ZNF385B: variants seen among roughly 807,000 people sequenced by gnomAD.
The protein encoded by ZNF385B is zinc finger protein 533.
ZNF385B carries 23 observed loss-of-function variants against 39.2 expected under a neutral mutation model. That is an observed-to-expected ratio of 0.59 (90% CI 0.42 to 0.83). The LOEUF (loss-of-function observed/expected upper bound fraction) is 0.83, where lower values mean the gene tolerates loss of function less well. Ranked by LOEUF, ZNF385B falls within the 40% of genes least tolerant of loss-of-function variation. The probability of loss-of-function intolerance (pLI) is 0.00; values close to 1 mark genes in which losing one functional copy is unlikely to be tolerated. For missense variants in ZNF385B, 552 were observed against 598.9 expected (o/e 0.92, Z 0.82); for synonymous variants, 205 against 222.6 (o/e 0.92, Z 0.70).
intron 3 of ZNF385B, among the ~76,000 whole-genome samples, chr2:179,569,908 G>A (rs1685021760): frequency 6.6e-6 from 1 of 152,166 alleles, no homozygotes; most frequent in Non-Finnish European, 1.5e-5. Flanking sequence ...AATGAGTCAA[G>A]GAGGAGTTGA....
At chr2:179,533,714 A>G (rs1470089944) in intron 4 of ZNF385B, among the ~76,000 whole-genome samples, 1 of 152,192 alleles carries the variant, frequency 6.6e-6, no homozygotes, top group Non-Finnish European at 1.5e-5. Flanking sequence ...ATAATTTGAT[A>G]TATTGATTAT....
intron 3 of ZNF385B, among the ~76,000 whole-genome samples, chr2:179,652,860 AAT>A: frequency 6.6e-6 from 1 of 151,400 alleles, no homozygotes; most frequent in African/African-American, 2.4e-5. Context: ...AAAAAAAAAA[AAT>A]CATCAGAAGA....
chr2:179,853,035 T>C (rs1393007443), intron 1 of ZNF385B, among the ~76,000 whole-genome samples: 1 of 152,224 alleles, frequency 6.6e-6, no homozygotes, highest in African/African-American at 2.4e-5. Flanking sequence ...GAACCATACA[T>C]GCAGTAATGA....
At chr2:179,839,794 T>C (rs572008047) in intron 1 of ZNF385B, among the ~76,000 whole-genome samples, 36 of 152,256 alleles carry the variant, frequency 2.4e-4, no homozygotes, top group Non-Finnish European at 4.3e-4. Flanking sequence ...AGATGGTAGT[T>C]ACTCAAACCT....
chr2:179,832,347 G>A (rs1485678129), intron 1 of ZNF385B, among the ~76,000 whole-genome samples: 1 of 152,170 alleles, frequency 6.6e-6, no homozygotes, highest in Admixed American at 6.5e-5. Context: ...TAGAAGGAAA[G>A]CAATCAGATT....
rs6713455 is a variant in ZNF385B at position 179,628,601 on chromosome 2, T to C, written c.299-83632A>G. The stretch of plus-strand genomic sequence containing the variant: ...GTAATTTCTGCTGTCTTTCTTTTGC[T>C]AATTAGTAGGTTTTGTTCTTCTCAT... On this transcript the variant is annotated intron_variant, in intron 3 of 9. Coordinates refer to ENST00000410066, the MANE Select transcript of ZNF385B (RefSeq NM_152520.6). 2.7e-3 allele frequency among the ~76,000 whole-genome samples: 410 copies of C among 152,334 alleles called. 3 individuals are homozygous for C. Among genetic ancestry groups the C allele is most frequent in the South Asian group, 8.7e-3 (42 of 4,830 alleles).
chr2:179,692,932 T>G (rs1395797650), intron 3 of ZNF385B, among the ~76,000 whole-genome samples: 1 of 152,158 alleles, frequency 6.6e-6, no homozygotes, highest in East Asian at 1.9e-4. Context: ...AGGGGACCAC[T>G]GCAAACCTGG....
rs749760813 is a variant in ZNF385B, at chr2:179,807,929, A to AGAAAGAAAGAAAGAAAGAAAGAAG, written c.-154-37258_-154-37257insCTTCTTTCTTTCTTTCTTTCTTTC. 1.5e-3 allele frequency among the ~76,000 whole-genome samples: 179 copies of AGAAAGAAAGAAAGAAAGAAAGAAG among 116,498 alleles called. 1 individual carries two copies. The highest frequency in any genetic ancestry group is 4.6e-3 in the Admixed American group (56 of 12,084). The allele number at this position is 116,498 out of a possible 152,430, so 76.4% of individuals were successfully genotyped here. ...AAGAAAGAAAGAAAGAAAGAAAGAA[A>AGAAAGAAAGAAAGAAAGAAAGAAG]GAAGGAAGGAAGGAAGGAAGGAAAG... On this transcript the variant is annotated intron_variant, in intron 1 of 9. Transcript: ENST00000410066.
At chr2:179,825,626 G>A (rs1456955593) in intron 1 of ZNF385B, among the ~76,000 whole-genome samples, 1 of 152,100 alleles carries the variant, frequency 6.6e-6, no homozygotes, top group Non-Finnish European at 1.5e-5. Flanking sequence ...AGTTAGCTGT[G>A]CCTAGGCTTT....
chr2:179,611,636 T>G (rs1011660753), intron 3 of ZNF385B, among the ~76,000 whole-genome samples: 1 of 152,148 alleles, frequency 6.6e-6, no homozygotes, highest in Non-Finnish European at 1.5e-5. Flanking sequence ...TTTAAATGTT[T>G]AGTAAAATTC....
At chr2:179,675,461 A>G (rs1696620249) in intron 3 of ZNF385B, among the ~76,000 whole-genome samples, 1 of 152,226 alleles carries the variant, frequency 6.6e-6, no homozygotes, top group Non-Finnish European at 1.5e-5. Context: ...TTGATAAAGT[A>G]GTTTTCGGAT....
At chr2:179,837,095 A>G (rs1363638585) in intron 1 of ZNF385B, among the ~76,000 whole-genome samples, 1 of 152,230 alleles carries the variant, frequency 6.6e-6, no homozygotes. Context: ...AGCTGAGCAT[A>G]TAATTTTTAA....
intron 3 of ZNF385B, among the ~76,000 whole-genome samples, chr2:179,670,497 A>AAACAAACAAACAAAC (rs370109614): frequency 1.5e-5 from 2 of 137,452 alleles, no homozygotes; most frequent in African/African-American, 5.2e-5. Context: ...AAACAAACAA[A>AAACAAACAAACAAAC]AAAAAATAGG....
intron 1 of ZNF385B, among the ~76,000 whole-genome samples, chr2:179,833,906 T>G (rs553639739): frequency 6.6e-6 from 1 of 152,244 alleles, no homozygotes; most frequent in East Asian, 1.9e-4. Context: ...CAAAAAGAAC[T>G]GCAGAGATCT....
At chr2:179,745,400 G>A (rs1247934115) in intron 3 of ZNF385B, among the ~76,000 whole-genome samples, 2 of 152,042 alleles carry the variant, frequency 1.3e-5, no homozygotes, top group Non-Finnish European at 2.9e-5. Context: ...TTTCAGTAAT[G>A]GTAGCAAATT....
intron 4 of ZNF385B, among the ~76,000 whole-genome samples, chr2:179,538,600 A>C (rs1480965695): frequency 6.6e-6 from 1 of 152,252 alleles, no homozygotes; most frequent in Non-Finnish European, 1.5e-5. Context: ...AATGGTAATC[A>C]TATAAATCAT....
chr2:179,770,032 C>G (rs2106504790), intron 2 of ZNF385B, among the ~76,000 whole-genome samples: 1 of 152,248 alleles, frequency 6.6e-6, no homozygotes. Context: ...ACCTGGAGCA[C>G]TTTATACCCC....
chr2:179,841,799 T>G lies in ZNF385B; in HGVS notation c.-155+19302A>C, dbSNP rs537055427. ...CACAGGTCATGAGTAGTAGAAAGAA[T>G]CATTTGAGAAGATCCAGGGCAACAT... On this transcript the variant is annotated intron_variant, in intron 1 of 9. Transcript: ENST00000410066. Among the ~76,000 whole-genome samples the G allele has an allele frequency of 5.9e-5, 9 of 152,278 alleles. No homozygotes were observed. The South Asian group carries it at 8.3e-4, about 14-fold the overall frequency.
At chr2:179,559,711 G>A (rs1266043834) in intron 3 of ZNF385B, among the ~76,000 whole-genome samples, 2 of 151,848 alleles carry the variant, frequency 1.3e-5, no homozygotes, top group African/African-American at 4.8e-5. Context: ...ATATAGTGAA[G>A]TGATCACATA....
Sources: allele counts gnomAD v4.1 joint callset (sites outside exome capture counted in the v4.1 genomes callset), GRCh38; gene constraint gnomAD v4.1.1; transcripts MANE v1.5; gene names NCBI Gene and HGNC (gene_info 2026-07-23, HGNC 2026-07-21).